Variants in UACA observed in about 807,000 individuals in gnomAD.
The protein encoded by UACA is nuclear membrane binding protein.
A neutral mutation model predicts 160.5 loss-of-function variants in UACA; 112 were observed. That is an observed-to-expected ratio of 0.70 (90% CI 0.60 to 0.82). The LOEUF (loss-of-function observed/expected upper bound fraction) is 0.82. Among genes scored for constraint, UACA ranks in the 40% least tolerant of loss-of-function variants. UACA has a pLI of 0.00. For missense variants in UACA, 1,574 were observed against 1,614.6 expected (o/e 0.97, Z 0.43); for synonymous variants, 557 against 568.4 (o/e 0.98, Z 0.29).
chr15:70,738,331 T>G (rs977471675), intron 1 of UACA, among the ~76,000 whole-genome samples: 6 of 151,906 alleles, frequency 3.9e-5, no homozygotes, highest in African/African-American at 1.4e-4. Context: ...GAATATTCTT[T>G]TAGACCATGT....
chr15:70,743,983 G>A (rs956419039), intron 1 of UACA, among the ~76,000 whole-genome samples: 5 of 152,048 alleles, frequency 3.3e-5, no homozygotes, highest in African/African-American at 1.2e-4. Flanking sequence ...GGTGGCTCAC[G>A]CCTGTAATTC....
At chr15:70,671,318 A>AT (rs1897132926) in intron 14 of UACA, 2 of 310,694 alleles carry the variant, frequency 6.4e-6, no homozygotes, top group Non-Finnish European at 1.2e-5. Flanking sequence ...TTTTTTTCTT[A>AT]TTTTTTTCTA....
intron 7 of UACA, among the ~76,000 whole-genome samples, chr15:70,685,332 C>T (rs933144156): frequency 2.0e-5 from 3 of 152,120 alleles, no homozygotes; most frequent in Admixed American, 6.5e-5. Flanking sequence ...CTAACCAACA[C>T]GTAATGAAAT....
Position 70,687,706 on chromosome 15 carries a change from T to C in UACA, c.495+44A>G, listed in dbSNP as rs200473266. On this transcript the variant is annotated intron_variant, in intron 6 of 18. Transcript: ENST00000322954. The stretch of plus-strand genomic sequence containing the variant: ...AACAGATCTCCCAAAATGTAGAAGT[T>C]AGAATGCATGAGTTGAAATGAGAAT... 1.9e-5 allele frequency: 30 copies of C among 1,613,106 alleles called. No individual in the cohort carries two copies. In the East Asian group the frequency reaches 5.1e-4, roughly 28 times the overall value.
rs537603881 is a variant in UACA, at chr15:70,669,470, GAAA to G, written c.1222-11_1222-9del. On this transcript the variant is annotated splice_polypyrimidine_tract_variant and intron_variant, in intron 15 of 18. Transcript: ENST00000322954. ...TATACCTGGGGAAGTACACTGAAAAGAAAAAAAAAAAGACATCAATCACAAAAG... is the reference window on the plus strand; with the variant it reads ...TATACCTGGGGAAGTACACTGAAAAGAAAAAAAAGACATCAATCACAAAAG... 8.9e-7 allele frequency: 1 copy of G among 1,126,106 alleles called. No individual in the cohort carries two copies. The allele number at this position is 1,126,106 out of a possible 1,614,324, so 69.8% of individuals were successfully genotyped here.
At chr15:70,729,034 T>C (rs1258935632) in intron 1 of UACA, among the ~76,000 whole-genome samples, 1 of 152,084 alleles carries the variant, frequency 6.6e-6, no homozygotes, top group African/African-American at 2.4e-5. Flanking sequence ...AGTTAAAAAA[T>C]AACAGATATT....
intron 15 of UACA, among the ~76,000 whole-genome samples, chr15:70,670,661 C>T (rs1897105657): frequency 1.3e-5 from 2 of 151,872 alleles, no homozygotes; most frequent in Non-Finnish European, 2.9e-5. Context: ...AACTGCCTTT[C>T]CCCTGGATCA....
At chr15:70,773,075 A>G in the UACA span, among the ~76,000 whole-genome samples, 1 of 151,910 alleles carries the variant, frequency 6.6e-6, no homozygotes, top group South Asian at 2.1e-4. Flanking sequence ...AAAGAAAGAA[A>G]TCAAACAGAA....
chr15:70,672,691 G>A (rs1897177307), intron 13 of UACA, among the ~76,000 whole-genome samples: 1 of 152,174 alleles, frequency 6.6e-6, no homozygotes, highest in South Asian at 2.1e-4. Flanking sequence ...AGGCACAGTG[G>A]CTCACACCTG....
At chr15:70,752,672 C>T (rs1466305490) in intron 1 of UACA, among the ~76,000 whole-genome samples, 1 of 151,692 alleles carries the variant, frequency 6.6e-6, no homozygotes. Context: ...TGTGCATCTG[C>T]AAGGGAAAAC....
At chr15:70,721,622 A>G (rs62016918) in intron 1 of UACA, among the ~76,000 whole-genome samples, 27,390 of 150,790 alleles carry the variant, frequency 0.18, 3,848 homozygotes, top group African/African-American at 0.39. Flanking sequence ...GCGAGACTCC[A>G]TCTTAAAAAA....
chr15:70,701,779 C>A, intron 1 of UACA: 1 of 1,206,886 alleles, frequency 8.3e-7, no homozygotes, highest in Non-Finnish European at 1.2e-6. Context: ...AACAATAAAG[C>A]AAACCAAATT....
chr15:70,762,988 AGG>A (rs113943175), intron 1 of UACA, among the ~76,000 whole-genome samples: 4 of 151,788 alleles, frequency 2.6e-5, no homozygotes, highest in African/African-American at 9.7e-5. Context: ...GAGAGCGACG[AGG>A]GGGGGTCAAC....
chr15:70,671,910 TC>T, intron 14 of UACA, 54 bp downstream of exon 14: 1 of 1,453,368 alleles, frequency 6.9e-7, no homozygotes. Flanking sequence ...GAATAAACAT[TC>T]TTCTTTACTT....
At chr15:70,685,947 G>GT (rs1193372265) in intron 7 of UACA, among the ~76,000 whole-genome samples, 2 of 151,990 alleles carry the variant, frequency 1.3e-5, no homozygotes, top group Non-Finnish European at 2.9e-5. Flanking sequence ...GCTAATTTTT[G>GT]TATTTTTGGT....
At chr15:70,769,152 A>G in the UACA span, among the ~76,000 whole-genome samples, 4 of 151,798 alleles carry the variant, frequency 2.6e-5, no homozygotes, top group Non-Finnish European at 2.9e-5. Flanking sequence ...AAGTCAGGAG[A>G]TCAAGACCAT....
intron 4 of UACA, among the ~76,000 whole-genome samples, chr15:70,690,730 CA>C (rs1378859380): frequency 1.3e-5 from 2 of 151,810 alleles, no homozygotes; most frequent in Non-Finnish European, 2.9e-5. Context: ...ACATATGGTA[CA>C]TTATAATGAA....
At chr15:70,758,776 T>C (rs753947288) in intron 1 of UACA, 8 of 152,220 alleles carry the variant, frequency 5.3e-5, no homozygotes, top group African/African-American at 1.2e-4. Flanking sequence ...TTCTGATTTA[T>C]AAAATTCACT....
At position 70,712,051 on chromosome 15, in the gene UACA, C is replaced by CATATATATATATATATAT. The variant is rs57543862; in HGVS notation, c.79-12392_79-12391insATATATATATATATATAT. Among the ~76,000 whole-genome samples, 61 of 131,960 alleles carry CATATATATATATATATAT rather than the reference C, an allele frequency of 4.6e-4. 1 individual carries two copies. The highest frequency in any genetic ancestry group is 2.8e-3 in the East Asian group (13 of 4,720). 86.6% of individuals were successfully genotyped at this position (131,960 alleles called of 152,430 possible). On this transcript the variant is annotated intron_variant, in intron 1 of 18. Transcript: ENST00000322954. ...AACCCAGGCTCCTCTAAGCTCCAGGCATATATATATATATATCTCCATATA... is the reference window on the plus strand; with the variant it reads ...AACCCAGGCTCCTCTAAGCTCCAGGCATATATATATATATATATATATATATATATATATCTCCATATA...
Sources: allele counts gnomAD v4.1 joint callset (sites outside exome capture counted in the v4.1 genomes callset), GRCh38; gene constraint gnomAD v4.1.1; transcripts MANE v1.5; gene names NCBI Gene and HGNC (gene_info 2026-07-23, HGNC 2026-07-21).